INTS6: variants seen among roughly 807,000 people sequenced by gnomAD.
The protein encoded by INTS6 is DEAD box protein.
A neutral mutation model predicts 104.9 loss-of-function variants in INTS6; 16 were observed. The ratio of observed to expected loss-of-function variants is 0.15; its 90% CI spans 0.10 to 0.23. The LOEUF is 0.23. INTS6 is among the 10% of genes least tolerant of loss of function. The pLI is 1.00. For missense variants in INTS6, 584 were observed against 1,062.8 expected (o/e 0.55, Z 6.26); for synonymous variants, 324 against 358.7 (o/e 0.90, Z 1.09).
chr13:51,434,799 G>A (rs1436099689), intron 3 of INTS6, among the ~76,000 whole-genome samples: 1 of 151,808 alleles, frequency 6.6e-6, no homozygotes, highest in Non-Finnish European at 1.5e-5. Flanking sequence ...TGTCAACATT[G>A]TTTACCCAGC....
chr13:51,360,785 C>A (rs1194894434), downstream of INTS6, among the ~76,000 whole-genome samples: 4 of 152,000 alleles, frequency 2.6e-5, no homozygotes, highest in African/African-American at 9.7e-5. Flanking sequence ...AAACCTGTGA[C>A]TTTGTCATTT....
At chr13:51,338,678 C>G in the INTS6 span, among the ~76,000 whole-genome samples, 6 of 152,164 alleles carry the variant, frequency 3.9e-5, no homozygotes, top group Admixed American at 3.9e-4. Flanking sequence ...TGCATTGAAT[C>G]TAAAGTAAAG....
At chr13:51,404,303 A>AC (rs1306677073) in intron 4 of INTS6, among the ~76,000 whole-genome samples, 1 of 151,560 alleles carries the variant, frequency 6.6e-6, no homozygotes, top group East Asian at 1.9e-4. Context: ...TAAAAAAAAA[A>AC]AAAAAACAAA....
chr13:51,435,752 A>T (rs1305904562), intron 3 of INTS6, among the ~76,000 whole-genome samples: 1 of 152,096 alleles, frequency 6.6e-6, no homozygotes, highest in East Asian at 1.9e-4. Flanking sequence ...CTTACCCTTA[A>T]ACGGGTCATA....
At chr13:51,341,096 C>T in the INTS6 span, 31 of 1,613,574 alleles carry the variant, frequency 1.9e-5, no homozygotes, top group Admixed American at 6.7e-5. Flanking sequence ...GCCTCCATGC[C>T]GCCTTTCCTG....
chr13:51,374,544 T>C, intron 14 of INTS6, 105 bp from the exon 15 acceptor site: 1 of 1,505,616 alleles, frequency 6.6e-7, no homozygotes, highest in Non-Finnish European at 9.1e-7. Flanking sequence ...TCATATTTAT[T>C]AGATACTCTA....
At chr13:51,391,195 T>C (rs1956240048) in intron 5 of INTS6, among the ~76,000 whole-genome samples, 1 of 152,096 alleles carries the variant, frequency 6.6e-6, no homozygotes. Context: ...ATGCAAAATA[T>C]TAGAAGTTTA....
rs1404097242 is a variant in INTS6, at chr13:51,452,533, G to T, written c.-8C>A. 2.0e-5 allele frequency: 32 copies of T among 1,609,750 alleles called. No homozygotes were observed. The highest frequency in any genetic ancestry group is 2.7e-5 in the Non-Finnish European group (32 of 1,177,334). On this transcript the variant is annotated 5_prime_UTR_variant, in exon 1 of 18. Transcript: ENST00000311234. This position sits in a 1 kb window ranked among gnomAD's most constrained non-coding sequence, Gnocchi z 4.2. ...GAACAGTAAGATGGGCATAGTGCTG[G>T]CCGGGGACACCGGGGCCCGAGGTGG...
At chr13:51,358,291 T>C (rs1018450971), downstream of INTS6, among the ~76,000 whole-genome samples, 2 of 152,100 alleles carry the variant, frequency 1.3e-5, no homozygotes, top group African/African-American at 4.8e-5. Context: ...CAAATAATTG[T>C]AAAGACAAAA....
intron 4 of INTS6, among the ~76,000 whole-genome samples, chr13:51,406,651 A>G (rs1274046834): frequency 6.6e-6 from 1 of 152,070 alleles, no homozygotes; most frequent in Non-Finnish European, 1.5e-5. Context: ...CCCTACCTCT[A>G]AATAAAACCC....
chr13:51,445,321 C>T (rs1566254232), intron 3 of INTS6: 1 of 151,880 alleles, frequency 6.6e-6, no homozygotes, highest in Non-Finnish European at 1.5e-5. Context: ...TTCTGGGATA[C>T]AATACAAAGC....
At chr13:51,451,343 A>G (rs1391829410) in intron 2 of INTS6, 169 bp from the exon 3 acceptor site, 5 of 432,598 alleles carry the variant, frequency 1.2e-5, no homozygotes, top group Non-Finnish European at 2.0e-5. Context: ...AAGGTGGCCC[A>G]GGAATAACCC....
Position 51,452,771 on chromosome 13 carries a change from G to C in INTS6, c.-246C>G. On this transcript the variant is annotated 5_prime_UTR_variant, in exon 1 of 18. Coordinates refer to ENST00000311234, the MANE Select transcript of INTS6 (RefSeq NM_012141.3). This position sits in a 1 kb window ranked among gnomAD's most constrained non-coding sequence, Gnocchi z 4.2. ...GCCTCCTCCTGCCTGCCTGCCCGCT[G>C]GGGCGGGCGCCCAGCCGTCTGTCTG... 1 of 1,218,162 alleles carries C rather than the reference G, an allele frequency of 8.2e-7. No individual in the cohort carries two copies. The highest frequency in any genetic ancestry group is 1.0e-6 in the Non-Finnish European group (1 of 972,342). 75.5% of individuals were successfully genotyped at this position (1,218,162 alleles called of 1,614,324 possible).
chr13:51,376,242 G>A, intron 12 of INTS6, 68 bp from the exon 13 acceptor site: 1 of 1,298,904 alleles, frequency 7.7e-7, no homozygotes, highest in Non-Finnish European at 1.1e-6. Context: ...AAAATCTCTA[G>A]CCTGCAGCAT....
At chr13:51,355,073 A>G in intron 3 of INTS6, 1 of 1,547,482 alleles carries the variant, frequency 6.5e-7, no homozygotes, top group Non-Finnish European at 8.8e-7. Context: ...TCAACTTAAA[A>G]AGCATTTTAA....
intron 15 of INTS6, among the ~76,000 whole-genome samples, chr13:51,370,400 C>G (rs1437122912): frequency 6.6e-6 from 1 of 152,146 alleles, no homozygotes; most frequent in Non-Finnish European, 1.5e-5. Context: ...TATCTTAGGC[C>G]AATCTCCAGG....
chr13:51,450,534 G>T (rs1953017390), intron 3 of INTS6: 3 of 985,406 alleles, frequency 3.0e-6, no homozygotes, highest in Non-Finnish European at 3.6e-6. Flanking sequence ...AATGTTCTCA[G>T]CCAGTGACTG....
downstream of INTS6, among the ~76,000 whole-genome samples, chr13:51,353,195 CTGA>C (rs955005803): frequency 6.9e-4 from 105 of 152,196 alleles, no homozygotes; most frequent in Admixed American, 2.0e-3. Flanking sequence ...CTCACTTTTA[CTGA>C]TGTTTTTAGT....
At chr13:51,339,586 A>T in the INTS6 span, 1 of 152,276 alleles carries the variant, frequency 6.6e-6, no homozygotes, top group Non-Finnish European at 1.5e-5. Context: ...TGGTAGAGAC[A>T]TCGCCGGCAG....
Sources: allele counts gnomAD v4.1 joint callset (sites outside exome capture counted in the v4.1 genomes callset), GRCh38; gene constraint gnomAD v4.1.1; non-coding constraint Gnocchi (gnomAD v3.1); transcripts MANE v1.5; gene names NCBI Gene and HGNC (gene_info 2026-07-23, HGNC 2026-07-21).